Variants in FARP1 observed in about 807,000 individuals in gnomAD.
FARP1 encodes FERM, ARH/RhoGEF and pleckstrin domain protein 1, also known as FERM, ARHGEF and pleckstrin domain-containing protein 1.
FARP1 carries 52 observed loss-of-function variants against 128.8 expected under a neutral mutation model. The ratio of observed to expected loss-of-function variants is 0.40; its 90% CI spans 0.32 to 0.51. FARP1 has a LOEUF of 0.51. Ranked by LOEUF, FARP1 falls within the 20% of genes least tolerant of loss-of-function variation. The probability of loss-of-function intolerance (pLI) is 0.45; values close to 1 mark genes in which losing one functional copy is unlikely to be tolerated. For missense variants in FARP1, 1,333 were observed against 1,367.9 expected (o/e 0.97, Z 0.40); for synonymous variants, 580 against 551.8 (o/e 1.05, Z -0.72).
chr13:98,285,424 C>G (rs1885121646), intron 2 of FARP1, among the ~76,000 whole-genome samples: 1 of 152,076 alleles, frequency 6.6e-6, no homozygotes, highest in Admixed American at 6.5e-5. Context: ...TTTTCTTCAT[C>G]TCAAAGAGCC....
chr13:98,177,188 C>T, intron 1 of FARP1: 1 of 1,592,268 alleles, frequency 6.3e-7, no homozygotes, highest in Non-Finnish European at 8.5e-7. Flanking sequence ...AAGGTGCATA[C>T]CTGGTCTGCT....
chr13:98,258,074 C>T (rs1276722019), intron 2 of FARP1, among the ~76,000 whole-genome samples: 6 of 152,024 alleles, frequency 3.9e-5, no homozygotes, highest in Non-Finnish European at 8.8e-5. Flanking sequence ...CCTGGGTTCA[C>T]GCCATTCTCC....
At chr13:98,274,918 T>C (rs1447690554) in intron 2 of FARP1, among the ~76,000 whole-genome samples, 2 of 152,210 alleles carry the variant, frequency 1.3e-5, no homozygotes, top group Admixed American at 1.3e-4. Flanking sequence ...AAGGTTTTAA[T>C]TTAGGTCAGA....
In FARP1 at chr13:98,431,249, G is replaced by C. The variant is rs1248876573; in HGVS notation, c.2112G>C (p.Pro704=). Residue 704 remains proline, a synonymous_variant, in exon 18 of 27, where the codon CCG becomes CCC. Transcript: ENST00000319562. Reference sequence around the variant, plus strand: ...TGGAGCGGCTGTGCAAACACCACCCGCCGAGCCACGCCGACTTCAGGGACT... The same window carrying C: ...TGGAGCGGCTGTGCAAACACCACCCCCCGAGCCACGCCGACTTCAGGGACT... The part of the protein sequence containing the change: ...QVLERLCKHH[P]PSHADFRDCR... 6.3e-7 allele frequency: 1 copy of C among 1,579,776 alleles called. No individual in the cohort carries two copies. Among genetic ancestry groups the C allele is most frequent in the Non-Finnish European group, 8.6e-7 (1 of 1,164,364 alleles).
At chr13:98,199,858 A>G (rs962199845) in intron 1 of FARP1, among the ~76,000 whole-genome samples, 5 of 152,286 alleles carry the variant, frequency 3.3e-5, no homozygotes, top group Admixed American at 3.3e-4. Context: ...GGGGTGAGCT[A>G]AAGTTTAAAG....
chr13:98,250,605 C>A (rs1566794027), intron 2 of FARP1, among the ~76,000 whole-genome samples: 1 of 151,812 alleles, frequency 6.6e-6, no homozygotes, highest in Admixed American at 6.6e-5. Flanking sequence ...CCTGTAATCC[C>A]AGCTACTTGG....
chr13:98,367,044 G>A (rs1889116200), intron 4 of FARP1, among the ~76,000 whole-genome samples: 2 of 152,108 alleles, frequency 1.3e-5, no homozygotes, highest in African/African-American at 4.8e-5. Flanking sequence ...GAACATAAAT[G>A]TATTGCTATC....
intron 2 of FARP1, among the ~76,000 whole-genome samples, chr13:98,280,472 A>G (rs989791760): frequency 3.3e-5 from 5 of 152,126 alleles, no homozygotes; most frequent in African/African-American, 1.2e-4. Context: ...TGTCCTTCCC[A>G]TGTGCTCCCC....
chr13:98,150,110 C>T (rs1320391158), intron 1 of FARP1, among the ~76,000 whole-genome samples: 6 of 151,768 alleles, frequency 4.0e-5, no homozygotes, highest in South Asian at 4.2e-4. Flanking sequence ...ACAATCTTGG[C>T]GCACTGCAAC....
chr13:98,308,111 A>G (rs1304205718), intron 2 of FARP1, among the ~76,000 whole-genome samples: 2 of 135,456 alleles, frequency 1.5e-5, no homozygotes, highest in Admixed American at 8.3e-5. Flanking sequence ...AACCCACGGA[A>G]TTTATCCTAG....
rs865797665 is a variant in FARP1 at position 98,379,109 on chromosome 13, A to G, written c.496+1191A>G. Among the ~76,000 whole-genome samples the G allele has an allele frequency of 3.4e-4, 25 of 74,576 alleles. 1 individual carries two copies. In the East Asian group the frequency reaches 3.8e-3, roughly 11 times the overall value. The allele number at this position is 74,576 out of a possible 152,430, so 48.9% of individuals were successfully genotyped here. A position where few individuals can be genotyped will look rare whatever the true frequency, so the allele number is the denominator to read the frequency against. The stretch of plus-strand genomic sequence containing the variant: ...TCTATATATAATATATATATAATAT[A>G]TAATCTATATATAATATATATATAA... On this transcript the variant is annotated intron_variant, in intron 6 of 26. Coordinates refer to ENST00000319562, the MANE Select transcript of FARP1 (RefSeq NM_005766.4).
chr13:98,377,794 G>GACGCCCAGCTCTGTTGATCTTCGC (rs776848882), intron 5 of FARP1, 27 bp from the exon 6 acceptor site: 8 of 1,589,710 alleles, frequency 5.0e-6, no homozygotes, highest in Non-Finnish European at 5.2e-6. Flanking sequence ...CTCTTTGCCT[G>GACGCCCAGCTCTGTTGATCTTCGC]ACGCCCAGCT....
At chr13:98,271,934 C>A (rs1884409757) in intron 2 of FARP1, among the ~76,000 whole-genome samples, 1 of 152,070 alleles carries the variant, frequency 6.6e-6, no homozygotes, top group Non-Finnish European at 1.5e-5. Flanking sequence ...GATTTATAAT[C>A]CTTTGGGTTT....
intron 3 of FARP1, among the ~76,000 whole-genome samples, chr13:98,364,767 G>A (rs1042177445): frequency 1.3e-5 from 2 of 152,096 alleles, no homozygotes; most frequent in African/African-American, 4.8e-5. Context: ...AAGCAGATGT[G>A]TGAAAGAGAG....
Position 98,450,838 on chromosome 13 carries a change from A to T in FARP1, c.*2521A>T, listed in dbSNP as rs1176181576. The T allele has an allele frequency of 6.6e-6, 1 of 152,272 alleles. No homozygotes were observed. The highest frequency in any genetic ancestry group is 1.5e-5 in the Non-Finnish European group (1 of 68,064). The allele number at this position is 152,272 out of a possible 1,614,324, so 9.4% of individuals were successfully genotyped here. On this transcript the variant is annotated 3_prime_UTR_variant, in exon 27 of 27. Transcript: ENST00000319562. ...ACAAAAGCCAGCTTCCTTGGCTAAG[A>T]TGCCCTTAAAAACATTGGGGCTGAT...
intron 1 of FARP1, among the ~76,000 whole-genome samples, chr13:98,197,990 A>G (rs1156890826): frequency 3.9e-5 from 6 of 152,308 alleles, no homozygotes; most frequent in Middle Eastern, 3.4e-3. Flanking sequence ...AGATTTGGAA[A>G]CAAACAATAA....
chr13:98,301,488 C>T (rs1885923324), intron 2 of FARP1, among the ~76,000 whole-genome samples: 2 of 152,174 alleles, frequency 1.3e-5, no homozygotes, highest in South Asian at 4.1e-4. Context: ...GGCTCGTTCT[C>T]TTCTCTCTGT....
intron 2 of FARP1, among the ~76,000 whole-genome samples, chr13:98,267,271 C>T (rs1408903822): frequency 6.6e-6 from 1 of 152,186 alleles, no homozygotes; most frequent in Non-Finnish European, 1.5e-5. Context: ...TCCTGCTTCA[C>T]AGTAACTGCT....
At chr13:98,389,789 C>T in intron 9 of FARP1, 168 bp from the exon 10 acceptor site, 1 of 622,322 alleles carries the variant, frequency 1.6e-6, no homozygotes, top group Non-Finnish European at 2.7e-6. Context: ...CACATCTTGT[C>T]CTTAAGAATA....
Sources: allele counts gnomAD v4.1 joint callset (sites outside exome capture counted in the v4.1 genomes callset), GRCh38; gene constraint gnomAD v4.1.1; transcripts MANE v1.5; gene names NCBI Gene and HGNC (gene_info 2026-07-23, HGNC 2026-07-21).